The following GRIA1 variants were observed in gnomAD, a reference collection of about 807,000 sequenced individuals.
GRIA1 encodes the protein glutamate receptor 1.
Under a neutral mutation model 99.2 loss-of-function variants are expected in GRIA1, and 31 were observed. That is an observed-to-expected ratio of 0.31 (90% CI 0.23 to 0.42). The LOEUF (loss-of-function observed/expected upper bound fraction) is 0.42. Among genes scored for constraint, GRIA1 ranks in the 10% least tolerant of loss-of-function variants. The pLI is 1.00. For missense variants in GRIA1, 782 were observed against 1,157.5 expected (o/e 0.68, Z 4.71); for synonymous variants, 438 against 432.4 (o/e 1.01, Z -0.16).
At chr5:153,546,301 TG>T (rs771379296) in intron 2 of GRIA1, among the ~76,000 whole-genome samples, 22 of 152,322 alleles carry the variant, frequency 1.4e-4, no homozygotes, top group Non-Finnish European at 2.5e-4. Context: ...GTTAAATGGC[TG>T]GAAGTCACAG....
At chr5:153,513,641 CTTT>C (rs1199324902) in intron 2 of GRIA1, among the ~76,000 whole-genome samples, 1 of 152,034 alleles carries the variant, frequency 6.6e-6, no homozygotes, top group East Asian at 1.9e-4. Flanking sequence ...CTGATCTGTT[CTTT>C]GTTTCAGTTT....
At chr5:153,810,046 G>A (rs1408140592) in intron 15 of GRIA1, among the ~76,000 whole-genome samples, 1 of 152,074 alleles carries the variant, frequency 6.6e-6, no homozygotes, top group African/African-American at 2.4e-5. Context: ...TATCATCAAT[G>A]GTCTTTCTCC....
chr5:153,792,576 G>T (rs1182407334), intron 13 of GRIA1, among the ~76,000 whole-genome samples: 4 of 152,192 alleles, frequency 2.6e-5, no homozygotes, highest in African/African-American at 9.7e-5. Flanking sequence ...GAGAAGGAAA[G>T]GTAACAAAAC....
intron 11 of GRIA1, among the ~76,000 whole-genome samples, chr5:153,725,821 G>C (rs1009210712): frequency 7.4e-6 from 1 of 134,968 alleles, no homozygotes; most frequent in Non-Finnish European, 1.6e-5. Context: ...GTCAATGTTA[G>C]ACAGATCAAC....
chr5:153,490,515 G>A, upstream of GRIA1: 1 of 258,274 alleles, frequency 3.9e-6, no homozygotes, highest in Non-Finnish European at 7.5e-6. Flanking sequence ...TAGCTCGGTG[G>A]GTATTAGCAT....
intron 2 of GRIA1, among the ~76,000 whole-genome samples, chr5:153,600,189 A>G (rs1474285274): frequency 6.6e-6 from 1 of 152,014 alleles, no homozygotes; most frequent in Admixed American, 6.6e-5. Context: ...CAGAAGATTG[A>G]GACCATCCTG....
chr5:153,610,992 G>T (rs1765934113), intron 2 of GRIA1, among the ~76,000 whole-genome samples: 1 of 152,092 alleles, frequency 6.6e-6, no homozygotes, highest in Admixed American at 6.5e-5. Flanking sequence ...GTTCAAACAG[G>T]CTGTCCAACT....
rs546333222 is a variant in GRIA1 at position 153,749,404 on chromosome 5, G to A, written c.1824-15030G>A. ...AAGAAAAGAAGTTTATTTAGCTCAC[G>A]TTTCTGTAGGCTGTACAAGAAGCAT... is the stretch of plus-strand genomic sequence containing the variant. On this transcript the variant is annotated intron_variant, in intron 11 of 15. Coordinates refer to ENST00000285900, the MANE Select transcript of GRIA1 (RefSeq NM_000827.4). Among the ~76,000 whole-genome samples, 19 of 152,222 alleles carry A rather than the reference G, an allele frequency of 1.2e-4. 1 individual carries two copies. The South Asian group carries it at 3.1e-3, about 25-fold the overall frequency.
chr5:153,538,930 A>T (rs369925426), intron 2 of GRIA1, among the ~76,000 whole-genome samples: 1 of 152,204 alleles, frequency 6.6e-6, no homozygotes, highest in African/African-American at 2.4e-5. Context: ...TGTAATTCCA[A>T]TGAAGTCCTT....
chr5:153,720,067 C>T (rs1460661187), intron 11 of GRIA1, among the ~76,000 whole-genome samples: 7 of 152,164 alleles, frequency 4.6e-5, no homozygotes, highest in Admixed American at 3.9e-4. Context: ...TTAATCAAAA[C>T]ATTAGTTCCT....
chr5:153,660,510 G>A (rs1294458933), intron 5 of GRIA1, among the ~76,000 whole-genome samples: 1 of 152,194 alleles, frequency 6.6e-6, no homozygotes, highest in Non-Finnish European at 1.5e-5. Flanking sequence ...CCATGTGAGT[G>A]CTGGACAGGG....
intron 2 of GRIA1, among the ~76,000 whole-genome samples, chr5:153,627,165 A>G (rs1469547083): frequency 6.6e-6 from 1 of 152,228 alleles, no homozygotes; most frequent in African/African-American, 2.4e-5. Flanking sequence ...AAACAATAAC[A>G]ATATAGCCTC....
intron 11 of GRIA1, among the ~76,000 whole-genome samples, chr5:153,712,096 AGCTGGAGT>A (rs900465402): frequency 3.9e-5 from 6 of 151,996 alleles, no homozygotes; most frequent in Non-Finnish European, 8.8e-5. Flanking sequence ...TGTTGCCCAG[AGCTGGAGT>A]GCAATGGCAT....
intron 5 of GRIA1, among the ~76,000 whole-genome samples, chr5:153,673,891 G>A (rs532478854): frequency 6.6e-6 from 1 of 152,334 alleles, no homozygotes; most frequent in East Asian, 1.9e-4. Context: ...ATGGAGTGGT[G>A]AAAATTTACC....
chr5:153,605,344 A>G (rs1170165844), intron 2 of GRIA1, among the ~76,000 whole-genome samples: 1 of 152,202 alleles, frequency 6.6e-6, no homozygotes, highest in Admixed American at 6.5e-5. Context: ...TAGTTTACTC[A>G]TTTTCATTCC....
intron 3 of GRIA1, among the ~76,000 whole-genome samples, chr5:153,650,026 A>C (rs1754437941): frequency 6.6e-6 from 1 of 152,156 alleles, no homozygotes; most frequent in South Asian, 2.1e-4. Flanking sequence ...CATTATTTAC[A>C]CCACACTTTA....
At chr5:153,653,422 G>C (rs2149461864) in intron 4 of GRIA1, among the ~76,000 whole-genome samples, 1 of 152,256 alleles carries the variant, frequency 6.6e-6, no homozygotes, top group South Asian at 2.1e-4. Flanking sequence ...GAATATCCTT[G>C]GAAACCATTA....
At chr5:153,499,051 T>G (rs13190414) in intron 2 of GRIA1, among the ~76,000 whole-genome samples, 3,892 of 152,234 alleles carry the variant, frequency 0.026, 67 homozygotes, top group South Asian at 0.043. Flanking sequence ...CTCAAAAAAA[T>G]TAGTGTGTAT....
intron 2 of GRIA1, among the ~76,000 whole-genome samples, chr5:153,494,954 A>G (rs1389497076): frequency 1.3e-5 from 2 of 152,166 alleles, no homozygotes; most frequent in African/African-American, 2.4e-5. Context: ...GTGTGTCACT[A>G]TTGACTTGGT....
Sources: allele counts gnomAD v4.1 joint callset (sites outside exome capture counted in the v4.1 genomes callset), GRCh38; gene constraint gnomAD v4.1.1; transcripts MANE v1.5; gene names NCBI Gene and HGNC (gene_info 2026-07-23, HGNC 2026-07-21).